The following CLDN2 variants were observed in gnomAD, a reference collection of about 807,000 sequenced individuals.
CLDN2 encodes claudin 2.
Under a neutral mutation model 8.2 loss-of-function variants are expected in CLDN2, and 1 was observed. The observed-to-expected ratio is 0.12, with a 90% confidence interval of 0.04 to 0.58. CLDN2 has a LOEUF of 0.58. Among genes scored for constraint, CLDN2 ranks in the 20% least tolerant of loss-of-function variants. The pLI, the probability that CLDN2 is intolerant of heterozygous loss-of-function variation, is 0.90. For synonymous variants in CLDN2, 70 were observed against 70.2 expected, an observed-to-expected ratio of 1.00 and a Z score of 0.01; for missense variants, 108 against 172.9, an observed-to-expected ratio of 0.62 and a Z score of 2.11.
chrX:106,907,361 G>A (rs1351610322), intron 1 of CLDN2, among the ~76,000 whole-genome samples: 2 of 111,831 alleles, frequency 1.8e-5, no homozygotes, highest in Non-Finnish European at 3.8e-5. Flanking sequence ...AGCAAAATGA[G>A]AAAAACTTTA....
intron 1 of CLDN2, chrX:106,901,656 T>G (rs1933097048): frequency 7.0e-6 from 5 of 713,503 alleles, no homozygotes; most frequent in Non-Finnish European, 1.1e-5. Flanking sequence ...TAGACATCTC[T>G]GGGACCCAGC....
intron 1 of CLDN2, among the ~76,000 whole-genome samples, chrX:106,907,628 G>A (rs1310236972): frequency 1.8e-5 from 2 of 109,286 alleles, no homozygotes; most frequent in African/African-American, 6.6e-5. Flanking sequence ...TTGAACCCAG[G>A]AGGTGGAGGT....
chrX:106,910,454 G>A (rs767980361), intron 1 of CLDN2, among the ~76,000 whole-genome samples: 14 of 110,285 alleles, frequency 1.3e-4, no homozygotes, highest in Non-Finnish European at 2.3e-4. Flanking sequence ...TGTAATCCCA[G>A]CACTTTGGGT....
chrX:106,921,807 T>A (rs1229232859), intron 1 of CLDN2, among the ~76,000 whole-genome samples: 1 of 112,157 alleles, frequency 8.9e-6, no homozygotes, highest in Non-Finnish European at 1.9e-5. Flanking sequence ...CCTTGGGCCA[T>A]GGAGTATGTT....
chrX:106,909,725 C>G (rs1054935791), intron 1 of CLDN2, among the ~76,000 whole-genome samples: 1 of 112,263 alleles, frequency 8.9e-6, no homozygotes, highest in Non-Finnish European at 1.9e-5. Context: ...CCAAATGTCC[C>G]AAATGTGCCA....
chrX:106,912,610 G>A (rs1236352724), intron 1 of CLDN2, among the ~76,000 whole-genome samples: 2 of 109,411 alleles, frequency 1.8e-5, no homozygotes, highest in Non-Finnish European at 3.8e-5. Context: ...GAGACACAGT[G>A]TCGCTATGTT....
At chrX:106,901,591 C>T in intron 1 of CLDN2, 1 of 1,132,519 alleles carries the variant, frequency 8.8e-7, no homozygotes, top group East Asian at 3.0e-5. Flanking sequence ...TAGATAACTT[C>T]CTCCTCTGTA....
At chrX:106,906,650 T>C (rs1328759888) in intron 1 of CLDN2, among the ~76,000 whole-genome samples, 1 of 110,784 alleles carries the variant, frequency 9.0e-6, no homozygotes. Flanking sequence ...CCAACTTCCT[T>C]CCCCTCCAGC....
rs752176611 is a variant in CLDN2 at position 106,928,888 on chromosome X, G to A, written c.660G>A (p.Glu220=). The part of the protein sequence containing the change: ...RPGQPPKVKS[E]FNSYSLTGYV ...GTCAACCTCCCAAAGTCAAGAGTGA[G>A]TTCAATTCCTACAGCCTGACAGGGT... Residue 220 remains glutamate, a synonymous_variant, in exon 2 of 2, where the codon GAG becomes GAA. Transcript: ENST00000336803. 1.7e-6 allele frequency: 2 copies of A among 1,209,231 alleles called. No individual in the cohort carries two copies. Among genetic ancestry groups the A allele is most frequent in the African/African-American group, 1.8e-5 (1 of 57,004 alleles).
At chrX:106,927,715 T>G (rs994815916) in intron 1 of CLDN2, among the ~76,000 whole-genome samples, 3 of 112,168 alleles carry the variant, frequency 2.7e-5, no homozygotes, top group African/African-American at 9.7e-5. Flanking sequence ...CAGTCTGCAA[T>G]TGAGGGGCCC....
chrX:106,919,272 G>A (rs1028134014), upstream of CLDN2, among the ~76,000 whole-genome samples: 3 of 111,290 alleles, frequency 2.7e-5, no homozygotes, highest in Non-Finnish European at 3.8e-5. Context: ...TTTCTGGCTG[G>A]TGGCATTATG....
chrX:106,903,748 G>C (rs1933142823), intron 1 of CLDN2, among the ~76,000 whole-genome samples: 1 of 112,017 alleles, frequency 8.9e-6, no homozygotes, highest in Non-Finnish European at 1.9e-5. Context: ...CCTTTAAGGA[G>C]AGTGAGGGAC....
At chrX:106,905,910 G>C (rs1177012948) in intron 1 of CLDN2, among the ~76,000 whole-genome samples, 1 of 111,643 alleles carries the variant, frequency 9.0e-6, no homozygotes, top group African/African-American at 3.3e-5. Context: ...CTGGAGCCCA[G>C]GGAGCCTTCA....
At chrX:106,922,860 T>C (rs1435894481) in intron 1 of CLDN2, among the ~76,000 whole-genome samples, 4 of 111,181 alleles carry the variant, frequency 3.6e-5, no homozygotes. Flanking sequence ...TGGAGGTTAA[T>C]GGTGTGAGAT....
chrX:106,916,584 A>G (rs150667214), upstream of CLDN2, among the ~76,000 whole-genome samples: 1,955 of 111,497 alleles, frequency 0.018, 45 homozygotes, highest in African/African-American at 0.061. Context: ...GCAGATGGAC[A>G]AAAAAGCTAA....
At chrX:106,921,366 C>T (rs1276211426) in intron 1 of CLDN2, among the ~76,000 whole-genome samples, 1 of 112,400 alleles carries the variant, frequency 8.9e-6, no homozygotes, top group Non-Finnish European at 1.9e-5. Flanking sequence ...AAAGTAGGGC[C>T]TCAAGGGAAT....
intron 1 of CLDN2, among the ~76,000 whole-genome samples, chrX:106,912,238 G>A (rs987714261): frequency 1.8e-5 from 2 of 110,937 alleles, no homozygotes; most frequent in African/African-American, 6.6e-5. Flanking sequence ...CAAAGACCCA[G>A]GGAGCCCCTA....
At chrX:106,910,331 G>A (rs1028089181) in intron 1 of CLDN2, among the ~76,000 whole-genome samples, 4 of 111,300 alleles carry the variant, frequency 3.6e-5, no homozygotes, top group African/African-American at 9.8e-5. Flanking sequence ...GCCAGGCACC[G>A]TGCTAAGTGC....
chrX:106,918,565 T>C (rs1330523919), upstream of CLDN2: 1 of 112,021 alleles, frequency 8.9e-6, no homozygotes, highest in African/African-American at 3.2e-5. Flanking sequence ...TTGATATGAC[T>C]TGAAAAATAG....
Sources: gnomAD v4.1 joint callset for allele counts (sites outside exome capture counted in the v4.1 genomes callset) on GRCh38, gnomAD v4.1.1 for gene constraint, MANE v1.5 for transcripts, NCBI Gene and HGNC (gene_info 2026-07-23, HGNC 2026-07-21) for gene names.